AIG1: variants seen among roughly 807,000 people sequenced by gnomAD.
AIG1 encodes androgen induced 1.
AIG1 carries 23 observed loss-of-function variants against 31.4 expected under a neutral mutation model. That is an observed-to-expected ratio of 0.73 (90% confidence interval 0.53 to 1.04). The LOEUF is 1.04. Ranked by LOEUF, AIG1 falls within the 50% of genes least tolerant of loss-of-function variation. AIG1 has a pLI of 0.00. For synonymous variants in AIG1, 100 were observed against 110.5 expected (o/e 0.90, Z 0.60); for missense variants, 274 against 295.0 (o/e 0.93, Z 0.52).
chr6:143,080,799 C>A lies in AIG1; in HGVS notation c.141+19733C>A, dbSNP rs116585469. 4.8e-3 allele frequency among the ~76,000 whole-genome samples: 733 copies of A among 152,078 alleles called. 9 individuals carry two copies. Among genetic ancestry groups the A allele is most frequent in the African/African-American group, 0.016 (652 of 41,448 alleles). ...TATCCAGGGTTTGGCTCGAGTGTGA[C>A]TTATCCAAGACTCCACTCCAGCCAC... is the stretch of plus-strand genomic sequence containing the variant. On this transcript the variant is annotated intron_variant, in intron 1 of 5. Coordinates refer to ENST00000357847, the MANE Select transcript of AIG1 (RefSeq NM_016108.4).
At position 143,195,634 on chromosome 6, in the gene AIG1, C is replaced by T. The variant is rs181802661; in HGVS notation, c.399+30451C>T. Among the ~76,000 whole-genome samples the T allele has an allele frequency of 4.7e-4, 71 of 150,904 alleles. 2 individuals are homozygous for T. The highest frequency in any genetic ancestry group is 1.8e-3 in the Admixed American group (27 of 15,060). Reference sequence around the variant, plus strand: ...GGCGACTGGCCACCCTGAGGGAGCACGGGGGAGGACACAACACAGGGAAGC... The same window carrying T: ...GGCGACTGGCCACCCTGAGGGAGCATGGGGGAGGACACAACACAGGGAAGC... On this transcript the variant is annotated intron_variant, in intron 3 of 5. Transcript: ENST00000357847.
chr6:143,180,482 A>G (rs1487288920), intron 3 of AIG1, among the ~76,000 whole-genome samples: 1 of 152,232 alleles, frequency 6.6e-6, no homozygotes, highest in Non-Finnish European at 1.5e-5. Context: ...TTCTGCTGAT[A>G]ATAATTTTAA....
chr6:143,197,241 T>G (rs1790320854), intron 3 of AIG1, among the ~76,000 whole-genome samples: 1 of 152,216 alleles, frequency 6.6e-6, no homozygotes, highest in African/African-American at 2.4e-5. Flanking sequence ...TAAAATAATT[T>G]ATGTTTTTGT....
intron 4 of AIG1, among the ~76,000 whole-genome samples, chr6:143,319,510 CG>C (rs1776033645): frequency 1.3e-5 from 2 of 152,090 alleles, no homozygotes; most frequent in South Asian, 4.1e-4. Flanking sequence ...AAAAACTACA[CG>C]TTGGGTACAA....
At chr6:143,072,654 T>TA in intron 1 of AIG1, among the ~76,000 whole-genome samples, 1 of 152,252 alleles carries the variant, frequency 6.6e-6, no homozygotes, top group Middle Eastern at 3.4e-3. Context: ...CCGAGAGATT[T>TA]AAAAAAACTA....
At chr6:143,190,400 G>T in intron 3 of AIG1, 1 of 981,870 alleles carries the variant, frequency 1.0e-6, no homozygotes, top group Non-Finnish European at 1.2e-6. Context: ...TCTTCTCCTG[G>T]TGATATTTTC....
At chr6:143,114,626 A>G (rs1237624318) in intron 1 of AIG1, among the ~76,000 whole-genome samples, 3 of 152,264 alleles carry the variant, frequency 2.0e-5, no homozygotes, top group Non-Finnish European at 4.4e-5. Flanking sequence ...TTCCACTTGA[A>G]TAAGTCAGTT....
chr6:143,323,054 G>T (rs1369126227), intron 4 of AIG1, among the ~76,000 whole-genome samples: 1 of 152,062 alleles, frequency 6.6e-6, no homozygotes, highest in Non-Finnish European at 1.5e-5. Flanking sequence ...TTACCAAAAG[G>T]GAAACTGAGG....
At chr6:143,231,544 A>G (rs1459530283) in intron 3 of AIG1, among the ~76,000 whole-genome samples, 1 of 152,192 alleles carries the variant, frequency 6.6e-6, no homozygotes, top group Non-Finnish European at 1.5e-5. Flanking sequence ...ATAGCTATAG[A>G]CCAGTAACGT....
At position 143,258,676 on chromosome 6, in the gene AIG1, T is replaced by C. The variant is rs1352128580; in HGVS notation, c.400-25434T>C. 6.6e-6 allele frequency among the ~76,000 whole-genome samples: 1 copy of C among 151,998 alleles called. No homozygotes were observed. The highest frequency in any genetic ancestry group is 1.5e-5 in the Non-Finnish European group (1 of 67,998). ...TGAGGCAAAGAGACATTTTGAAGAGTATAAATGAAAGCTTAACTTGAAAAT... is the reference window on the plus strand; with the variant it reads ...TGAGGCAAAGAGACATTTTGAAGAGCATAAATGAAAGCTTAACTTGAAAAT... On this transcript the variant is annotated intron_variant, in intron 3 of 5. Coordinates refer to ENST00000357847, the MANE Select transcript of AIG1 (RefSeq NM_016108.4). This position sits in a 1 kb window ranked among gnomAD's most constrained non-coding sequence, Gnocchi z 4.7.
At chr6:143,314,497 G>A (rs897266710) in intron 4 of AIG1, among the ~76,000 whole-genome samples, 3 of 152,116 alleles carry the variant, frequency 2.0e-5, no homozygotes, top group Middle Eastern at 3.2e-3. Context: ...AGGTTAATAT[G>A]CAGAAATCAA....
intron 3 of AIG1, among the ~76,000 whole-genome samples, chr6:143,200,136 G>A (rs1322698419): frequency 6.6e-6 from 1 of 152,144 alleles, no homozygotes; most frequent in Non-Finnish European, 1.5e-5. Flanking sequence ...TGAGACACTG[G>A]TGCATCTCAA....
intron 3 of AIG1, among the ~76,000 whole-genome samples, chr6:143,255,816 G>A (rs1187710417): frequency 3.4e-4 from 52 of 152,156 alleles, no homozygotes; most frequent in Non-Finnish European, 5.9e-5. Flanking sequence ...TTTTCTAGGT[G>A]TGATGTTATA....
At chr6:143,218,645 T>C (rs1792220139) in intron 3 of AIG1, among the ~76,000 whole-genome samples, 1 of 152,126 alleles carries the variant, frequency 6.6e-6, no homozygotes, top group Non-Finnish European at 1.5e-5. Flanking sequence ...TGAGTGTAGA[T>C]AGAACATAAA....
chr6:143,103,301 T>A (rs1475723498), intron 1 of AIG1, among the ~76,000 whole-genome samples: 2 of 152,086 alleles, frequency 1.3e-5, no homozygotes, highest in Non-Finnish European at 2.9e-5. Flanking sequence ...CCCCTTCCAA[T>A]TATTGTTGGA....
In AIG1 at chr6:143,280,012, T is replaced by C; in HGVS notation, c.400-4098T>C. Among the ~76,000 whole-genome samples the C allele has an allele frequency of 6.6e-6, 1 of 152,190 alleles. No individual in the cohort carries two copies. The highest frequency in any genetic ancestry group is 1.5e-5 in the Non-Finnish European group (1 of 68,028). On this transcript the variant is annotated intron_variant, in intron 3 of 5. Transcript: ENST00000357847. This position sits in a 1 kb window ranked among gnomAD's most constrained non-coding sequence, Gnocchi z 4.1. The stretch of plus-strand genomic sequence containing the variant: ...GTTGACAATGTACTGCAGAAAACAG[T>C]CCAAACAATTCTTAAGAGCTAAGAG...
chr6:143,190,658 C>T, intron 3 of AIG1: 1 of 963,798 alleles, frequency 1.0e-6, no homozygotes, highest in Non-Finnish European at 1.2e-6. Context: ...TCCAAAGCCC[C>T]AGGTAAGGAC....
At chr6:143,269,389 T>C (rs1425030778) in intron 3 of AIG1, among the ~76,000 whole-genome samples, 2 of 152,212 alleles carry the variant, frequency 1.3e-5, no homozygotes, top group African/African-American at 4.8e-5. Context: ...GGTACAATCA[T>C]TTGGAAAACT....
At chr6:143,240,808 C>T (rs766212391) in intron 3 of AIG1, among the ~76,000 whole-genome samples, 10 of 152,018 alleles carry the variant, frequency 6.6e-5, no homozygotes, top group Non-Finnish European at 1.3e-4. Context: ...TTTAAAAATC[C>T]TTCAAGTGCT....
Sources: gnomAD v4.1 joint callset for allele counts (sites outside exome capture counted in the v4.1 genomes callset) on GRCh38, gnomAD v4.1.1 for gene constraint, Gnocchi (gnomAD v3.1) non-coding constraint, MANE v1.5 for transcripts, NCBI Gene and HGNC (gene_info 2026-07-23, HGNC 2026-07-21) for gene names.